The following KCTD13 variants were observed in gnomAD, a reference collection of about 807,000 sequenced individuals.
KCTD13 encodes BTB/POZ domain-containing adapter for CUL3-mediated RhoA degradation protein 1.
Under a neutral mutation model 32.3 loss-of-function variants are expected in KCTD13, and 15 were observed. The ratio of observed to expected loss-of-function variants is 0.46; its 90% CI spans 0.31 to 0.71. The LOEUF is 0.71. KCTD13 is among the 30% of genes least tolerant of loss of function. The pLI is 0.05. For synonymous variants in KCTD13, 189 were observed against 200.1 expected (o/e 0.94, Z 0.47); for missense variants, 337 against 452.6 (o/e 0.74, Z 2.32).
intron 1 of KCTD13, among the ~76,000 whole-genome samples, chr16:29,924,879 G>A (rs1244200377): frequency 6.6e-6 from 1 of 151,940 alleles, no homozygotes; most frequent in East Asian, 1.9e-4. Context: ...CACCACGCCC[G>A]GCTAATTTTT....
chr16:29,922,988 C>T lies in KCTD13; in HGVS notation c.414+202G>A. ...GTAGAGAGCAGCTATTTAACCATTG[C>T]AAAGGTCCTGGCATGAGGCTGGGGT... On this transcript the variant is annotated intron_variant, in intron 2 of 5. Coordinates refer to ENST00000568000, the MANE Select transcript of KCTD13 (RefSeq NM_178863.5). 3 of 571,934 alleles carry T rather than the reference C, an allele frequency of 5.2e-6. No individual in the cohort carries two copies. In the South Asian group the frequency reaches 7.3e-5, roughly 14 times the overall value. 35.4% of individuals were successfully genotyped at this position (571,934 alleles called of 1,614,324 possible). A position where few individuals can be genotyped will look rare whatever the true frequency, so the allele number is the denominator to read the frequency against.
In KCTD13 at chr16:29,925,689, C is replaced by A. The variant is rs530149854; in HGVS notation, c.244+101G>T. 5 of 1,152,554 alleles carry A rather than the reference C, an allele frequency of 4.3e-6. No individual in the cohort carries two copies. The South Asian group carries it at 6.7e-5, about 15-fold the overall frequency. The allele number at this position is 1,152,554 out of a possible 1,614,324, so 71.4% of individuals were successfully genotyped here. A position where few individuals can be genotyped will look rare whatever the true frequency, so the allele number is the denominator to read the frequency against. ...TGAGAATGAGTTGACTGGACAGTAGCGGGCAGAGAGAAGGGGCATGAGGAG... is the reference window on the plus strand; with the variant it reads ...TGAGAATGAGTTGACTGGACAGTAGAGGGCAGAGAGAAGGGGCATGAGGAG... On this transcript the variant is annotated intron_variant, in intron 1 of 5. Transcript: ENST00000568000.
chr16:29,920,965 C>G (rs2068900668), intron 2 of KCTD13: 1 of 152,060 alleles, frequency 6.6e-6, no homozygotes, highest in African/African-American at 2.4e-5. Flanking sequence ...TTTGTAGGGG[C>G]AGGAACTGGA....
In KCTD13 at chr16:29,925,673, G is replaced by C. The variant is rs1032906821; in HGVS notation, c.244+117C>G. 1.1e-5 allele frequency: 11 copies of C among 1,013,262 alleles called. No individual in the cohort carries two copies. The Admixed American group carries it at 2.3e-4, about 21-fold the overall frequency. The allele number at this position is 1,013,262 out of a possible 1,614,324, so 62.8% of individuals were successfully genotyped here. A position where few individuals can be genotyped will look rare whatever the true frequency, so the allele number is the denominator to read the frequency against. On this transcript the variant is annotated intron_variant, in intron 1 of 5. Transcript: ENST00000568000. ...GGGGGCTGGAGGGAGCTGAGAATGAGTTGACTGGACAGTAGCGGGCAGAGA... is the reference window on the plus strand; with the variant it reads ...GGGGGCTGGAGGGAGCTGAGAATGACTTGACTGGACAGTAGCGGGCAGAGA...
intron 1 of KCTD13, 21 bp downstream of exon 1, chr16:29,925,769 C>T (rs2068985083): frequency 1.2e-6 from 2 of 1,609,786 alleles, no homozygotes; most frequent in African/African-American, 1.3e-5. Flanking sequence ...GGTGGGGGCA[C>T]GGTAGGGGCG....
At chr16:29,917,152 G>T (rs1363587458) in intron 2 of KCTD13, among the ~76,000 whole-genome samples, 1 of 152,154 alleles carries the variant, frequency 6.6e-6, no homozygotes, top group Non-Finnish European at 1.5e-5. Flanking sequence ...GGAGGGGACT[G>T]AACAAGAGCC....
chr16:29,923,346 A>G lies in KCTD13; in HGVS notation c.258T>C (p.Ile86=), dbSNP rs1355235322. The change falls in exon 2 of 6, where the codon ATT becomes ATC. Residue 86 remains isoleucine, a synonymous_variant. Transcript: ENST00000568000. ...TACCAAAGTGACGGCCGCTCCGGTC[A>G]ATCAGCACCCAACCTAGTGGGGTGG... ...VLTDAGGWVL[I]DRSGRHFGTI... 1.9e-6 allele frequency: 3 copies of G among 1,613,906 alleles called. No individual in the cohort carries two copies. In the South Asian group the frequency reaches 3.3e-5, roughly 18 times the overall value.
chr16:29,912,415 T>G (rs531710530), intron 2 of KCTD13: 2 of 346,160 alleles, frequency 5.8e-6, no homozygotes, highest in South Asian at 7.3e-5. Context: ...AACAGCCTCC[T>G]CTACATCCTG....
rs956618023 is a variant in KCTD13 at position 29,906,723 on chromosome 16, A to G, written c.*149T>C. ...GCAATGGGGTTGGGATGGGTGGAGA[A>G]GGGCCAAAGTGAGCTGTGCCATGCA... On this transcript the variant is annotated 3_prime_UTR_variant, in exon 6 of 6. Transcript: ENST00000568000. 7.1e-6 allele frequency: 5 copies of G among 699,746 alleles called. No individual in the cohort carries two copies. The highest frequency in any genetic ancestry group is 5.4e-5 in the East Asian group (2 of 37,026). The allele number at this position is 699,746 out of a possible 1,614,324, so 43.3% of individuals were successfully genotyped here. A position where few individuals can be genotyped will look rare whatever the true frequency, so the allele number is the denominator to read the frequency against.
At chr16:29,923,096 C>A (rs1241145742) in intron 2 of KCTD13, 94 bp downstream of exon 2, 2 of 1,390,364 alleles carry the variant, frequency 1.4e-6, no homozygotes, top group East Asian at 4.8e-5. Flanking sequence ...GCCAGGCTCT[C>A]CAAGCCATAC....
chr16:29,911,117 C>T lies in KCTD13; in HGVS notation c.614G>A (p.Arg205His), dbSNP rs770260724. The part of the protein sequence containing the change: ...NIELFDKLAL[R>H]FHGRLLFLKD... ...GAGGAAGAGTAGCCGCCCGTGGAAG[C>T]GCAGGGCCAGCTTGTCGAACAGCTC... Residue 205 changes from arginine to histidine, a missense_variant, in exon 5 of 6, where the codon CGC (arginine) becomes CAC (histidine). Around this residue, in one of 3 missense-constraint regions of KCTD13, gnomAD observed 252 missense variants for 340.2 expected, o/e 0.74. Coordinates refer to ENST00000568000, the MANE Select transcript of KCTD13 (RefSeq NM_178863.5). 9.3e-6 allele frequency: 15 copies of T among 1,614,160 alleles called. No homozygotes were observed. The highest frequency in any genetic ancestry group is 1.7e-5 in the Admixed American group (1 of 60,006).
chr16:29,916,964 C>G (rs2068821243), intron 2 of KCTD13, among the ~76,000 whole-genome samples: 1 of 152,174 alleles, frequency 6.6e-6, no homozygotes, highest in Admixed American at 6.6e-5. Context: ...CTTAGGGATG[C>G]CTGAGTGTCC....
intron 2 of KCTD13, chr16:29,922,527 A>G (rs571529606): frequency 6.5e-6 from 1 of 153,312 alleles, no homozygotes; most frequent in Non-Finnish European, 1.5e-5. Flanking sequence ...AAGGTCACTG[A>G]GTCAGCTGTG....
chr16:29,908,989 AATT>A (rs2068659674), intron 5 of KCTD13, among the ~76,000 whole-genome samples: 1 of 151,826 alleles, frequency 6.6e-6, no homozygotes, highest in Non-Finnish European at 1.5e-5. Flanking sequence ...CATGCACTCT[AATT>A]ATTGGTTTAT....
At chr16:29,919,165 G>C (rs182880418) in intron 2 of KCTD13, among the ~76,000 whole-genome samples, 1 of 152,188 alleles carries the variant, frequency 6.6e-6, no homozygotes, top group South Asian at 2.1e-4. Context: ...TAAACCAAAC[G>C]ATACCGGGAG....
In KCTD13 at chr16:29,911,852, G is replaced by T; in HGVS notation, c.520C>A (p.Leu174Met). Residue 174 changes from leucine (L) to methionine (M), a missense_variant, in exon 4 of 6, where the codon CTG (leucine) becomes ATG (methionine). By Grantham distance (15) the Leu-to-Met change is conservative. Transcript: ENST00000568000. ...ASTSKPVVKLLHNRSNNKYSY... is the reference protein window; with the variant it reads ...ASTSKPVVKLMHNRSNNKYSY... ...TACTTGTTGTTACTGCGGTTGTGCAGGAGCTTCACCACGGGCTGGCGGGGG... is the reference window on the plus strand; with the variant it reads ...TACTTGTTGTTACTGCGGTTGTGCATGAGCTTCACCACGGGCTGGCGGGGG... 6.2e-7 allele frequency: 1 copy of T among 1,612,606 alleles called. No homozygotes were observed. Among genetic ancestry groups the T allele is most frequent in the Non-Finnish European group, 8.5e-7 (1 of 1,179,356 alleles).
At chr16:29,915,178 A>ATC (rs1361567897) in intron 2 of KCTD13, 2 of 152,236 alleles carry the variant, frequency 1.3e-5, no homozygotes, top group Non-Finnish European at 2.9e-5. Flanking sequence ...CCACAGTTTC[A>ATC]TCTGCCTGCT....
At chr16:29,923,589 CG>C (rs1013001652) in intron 1 of KCTD13, among the ~76,000 whole-genome samples, 1 of 152,080 alleles carries the variant, frequency 6.6e-6, no homozygotes, top group Non-Finnish European at 1.5e-5. Flanking sequence ...CAGCCAGGCG[CG>C]GTGGCTCATG....
At chr16:29,921,875 G>T (rs1049515274) in intron 2 of KCTD13, 3 of 152,178 alleles carry the variant, frequency 2.0e-5, no homozygotes, top group African/African-American at 7.2e-5. Flanking sequence ...GGAGGCTGAG[G>T]CAGGAGAATT....
Sources: gnomAD v4.1 joint callset for allele counts (sites outside exome capture counted in the v4.1 genomes callset) on GRCh38, gnomAD v4.1.1 for gene constraint, gnomAD v4.1.1 regional missense constraint, MANE v1.5 for transcripts, NCBI Gene and HGNC (gene_info 2026-07-23, HGNC 2026-07-21) for gene names.